EIF5A: variants seen among roughly 807,000 people sequenced by gnomAD.
EIF5A encodes eukaryotic translation initiation factor 5A-1.
EIF5A carries 1 observed loss-of-function variant against 16.6 expected under a neutral mutation model. That is an observed-to-expected ratio of 0.06 (90% CI 0.02 to 0.28). The LOEUF (loss-of-function observed/expected upper bound fraction) is 0.28. EIF5A is among the 10% of genes least tolerant of loss of function. EIF5A has a pLI of 1.00. For missense variants in EIF5A, 29 were observed against 196.1 expected (o/e 0.15, Z 5.09); for synonymous variants, 80 against 73.6 (o/e 1.09, Z -0.44).
chr17:7,311,325 A>G (rs2072821486), intron 3 of EIF5A, 25 bp from the exon 4 acceptor site: 2 of 1,613,932 alleles, frequency 1.2e-6, no homozygotes. Context: ...TACTACCTTC[A>G]GCCTCCTTCC....
At chr17:7,310,910 C>T (rs894927348) in intron 2 of EIF5A, 108 bp from the exon 3 acceptor site, 2 of 1,462,128 alleles carry the variant, frequency 1.4e-6, no homozygotes, top group African/African-American at 1.4e-5. Context: ...CCAGTCTTTG[C>T]CCCAACAATG....
intron 2 of EIF5A, 168 bp from the exon 3 acceptor site, chr17:7,310,846 TTTTC>T (rs1242946054): frequency 5.1e-6 from 5 of 985,294 alleles, no homozygotes; most frequent in Middle Eastern, 5.2e-4. Flanking sequence ...CCTCTGTTTT[TTTTC>T]TTTAAGAGGC....
Position 7,311,683 on chromosome 17 carries a change from C to G in EIF5A, c.*11+32C>G, listed in dbSNP as rs200432939. The G allele has an allele frequency of 2.6e-5, 42 of 1,613,148 alleles. 1 individual carries two copies. The highest frequency in any genetic ancestry group is 3.6e-4 in the Middle Eastern group (2 of 5,558). On this transcript the variant is annotated intron_variant, in intron 5 of 5. Coordinates refer to ENST00000336458, the MANE Select transcript of EIF5A (RefSeq NM_001970.5). ...GTGACAAATCCCTCACTGTCCCCTT[C>G]ACATTTTGTTGTCCTCAGCAGAGCT... is the stretch of plus-strand genomic sequence containing the variant.
upstream of EIF5A, chr17:7,307,052 T>G (rs1246362584): frequency 1.3e-6 from 2 of 1,598,558 alleles, no homozygotes; most frequent in South Asian, 2.3e-5. Context: ...CGCGCATGTG[T>G]GGAACTGGGG....
At chr17:7,309,388 T>C (rs909616612) in intron 1 of EIF5A, among the ~76,000 whole-genome samples, 2 of 152,184 alleles carry the variant, frequency 1.3e-5, no homozygotes, top group Admixed American at 6.5e-5. Context: ...GCCACCACTT[T>C]AGCTTTGATT....
chr17:7,310,810 C>A, intron 2 of EIF5A: 1 of 985,406 alleles, frequency 1.0e-6, no homozygotes, highest in Non-Finnish European at 1.2e-6. Flanking sequence ...GTGCTGTCAA[C>A]CCCAATCTCA....
Position 7,312,314 on chromosome 17 carries a change from A to T in EIF5A, c.*504A>T, listed in dbSNP as rs1275722236. 1 of 192,612 alleles carries T rather than the reference A, an allele frequency of 5.2e-6. No individual in the cohort carries two copies. The highest frequency in any genetic ancestry group is 1.2e-5 in the Non-Finnish European group (1 of 82,916). The allele number at this position is 192,612 out of a possible 1,614,324, so 11.9% of individuals were successfully genotyped here. A position where few individuals can be genotyped will look rare whatever the true frequency, so the allele number is the denominator to read the frequency against. Reference sequence around the variant, plus strand: ...AAACCCCTTTAGATGGGGAGGGAAGAGGAGGAGAGGGGAGGGGACCTGCCC... The same window carrying T: ...AAACCCCTTTAGATGGGGAGGGAAGTGGAGGAGAGGGGAGGGGACCTGCCC... On this transcript the variant is annotated 3_prime_UTR_variant, in exon 6 of 6. Coordinates refer to ENST00000336458, the MANE Select transcript of EIF5A (RefSeq NM_001970.5).
chr17:7,310,162 C>T, intron 2 of EIF5A: 1 of 1,297,574 alleles, frequency 7.7e-7, no homozygotes, highest in African/African-American at 1.5e-5. Context: ...TGGTTGCTTC[C>T]ATCACGTTGC....
intron 1 of EIF5A, 157 bp downstream of exon 1, chr17:7,307,909 G>T: frequency 1.0e-6 from 1 of 984,260 alleles, no homozygotes; most frequent in Non-Finnish European, 1.2e-6. Flanking sequence ...GCGCGGGCGC[G>T]CGCCCCGGTT....
In EIF5A at chr17:7,311,807, C is replaced by T. The variant is rs544110732; in HGVS notation, c.*12-15C>T. Reference sequence around the variant, plus strand: ...AGGTATTATCCTGTCTTACTAATTTCTCTCTCCTACCTAGGGTGGCGGTGG... The same window carrying T: ...AGGTATTATCCTGTCTTACTAATTTTTCTCTCCTACCTAGGGTGGCGGTGG... On this transcript the variant is annotated splice_polypyrimidine_tract_variant and intron_variant, in intron 5 of 5. Coordinates refer to ENST00000336458, the MANE Select transcript of EIF5A (RefSeq NM_001970.5). The T allele has an allele frequency of 1.1e-4, 113 of 1,047,654 alleles. 1 individual carries two copies. The highest frequency in any genetic ancestry group is 1.0e-3 in the South Asian group (65 of 63,614). The allele number at this position is 1,047,654 out of a possible 1,614,324, so 64.9% of individuals were successfully genotyped here.
At chr17:7,311,309 T>TG in intron 3 of EIF5A, 41 bp from the exon 4 acceptor site, 1 of 1,613,704 alleles carries the variant, frequency 6.2e-7, no homozygotes, top group Non-Finnish European at 8.5e-7. Flanking sequence ...TCAGCCTCCC[T>TG]GGGCCTACTA....
chr17:7,307,897 A>AGGCGCGGGCGCGCGCCCCGGTT, intron 1 of EIF5A, 145 bp downstream of exon 1: 1 of 980,558 alleles, frequency 1.0e-6, no homozygotes, highest in Non-Finnish European at 1.2e-6. Flanking sequence ...AGGTGAGGAG[A>AGGCGCGGGCGCGCGCCCCGGTT]GGCGCGGGCG....
At position 7,309,683 on chromosome 17, in the gene EIF5A, C is replaced by A; in HGVS notation, c.48C>A (p.Ala16=). Residue 16 remains alanine (A), a synonymous_variant, in exon 2 of 6, where the codon GCC becomes GCA. Coordinates refer to ENST00000336458, the MANE Select transcript of EIF5A (RefSeq NM_001970.5). ...DFETGDAGAS[A]TFPMQCSALR... is the part of the protein sequence containing the mutation. ...AGACAGGAGATGCAGGGGCCTCAGCCACCTTCCCAATGCAGTGCTCAGCAT... is the reference window on the plus strand; with the variant it reads ...AGACAGGAGATGCAGGGGCCTCAGCAACCTTCCCAATGCAGTGCTCAGCAT... 6.2e-7 allele frequency: 1 copy of A among 1,614,236 alleles called. No individual in the cohort carries two copies. The highest frequency in any genetic ancestry group is 1.1e-5 in the South Asian group (1 of 91,082).
At chr17:7,308,393 G>T (rs1350309531) in intron 1 of EIF5A, 2 of 1,227,964 alleles carry the variant, frequency 1.6e-6, no homozygotes, top group African/African-American at 1.6e-5. Flanking sequence ...AGCCCCTAGC[G>T]CGGGGAGCTA....
At position 7,312,106 on chromosome 17, in the gene EIF5A, AG is replaced by A. The variant is rs2072848082; in HGVS notation, c.*297del. ...AGGGGGTGGGTGCTGCTTGTGGTTT[AG>A]TCTTTTTTTTTTTTTTTTTTTTAAT... is the stretch of plus-strand genomic sequence containing the variant. On this transcript the variant is annotated 3_prime_UTR_variant, in exon 6 of 6. Transcript: ENST00000336458. 1 of 74,122 alleles carries A rather than the reference AG, an allele frequency of 1.3e-5. No homozygotes were observed. The highest frequency in any genetic ancestry group is 9.0e-4 in the East Asian group (1 of 1,112). The allele number at this position is 74,122 out of a possible 1,614,324, so 4.6% of individuals were successfully genotyped here. A position where few individuals can be genotyped will look rare whatever the true frequency, so the allele number is the denominator to read the frequency against.
At chr17:7,308,153 G>A (rs2072685176) in intron 1 of EIF5A, 6 of 754,280 alleles carry the variant, frequency 8.0e-6, no homozygotes, top group Non-Finnish European at 9.9e-6. Context: ...CATGATGGGG[G>A]GGGTTGGCGG....
At chr17:7,309,181 C>CT (rs2072736568) in intron 1 of EIF5A, among the ~76,000 whole-genome samples, 1 of 143,630 alleles carries the variant, frequency 7.0e-6, no homozygotes, top group South Asian at 2.4e-4. Context: ...GGTCTCCACC[C>CT]TCCCCCCCCC....
At chr17:7,310,091 A>G (rs1567612262) in intron 2 of EIF5A, 1 of 1,396,760 alleles carries the variant, frequency 7.2e-7, no homozygotes, top group Middle Eastern at 1.9e-4. Context: ...CTAGCTATTC[A>G]GTTGCTCCTT....
Position 7,311,952 on chromosome 17 carries a change from C to G in EIF5A, c.*142C>G, listed in dbSNP as rs1370389372. ...ATTTGACGTTTTATTTTGGTTTTCC[C>G]CACCCCCTCAATCTGTCGGGGAGCC... On this transcript the variant is annotated 3_prime_UTR_variant, in exon 6 of 6. Coordinates refer to ENST00000336458, the MANE Select transcript of EIF5A (RefSeq NM_001970.5). 1 of 465,518 alleles carries G rather than the reference C, an allele frequency of 2.1e-6. No individual in the cohort carries two copies. Among genetic ancestry groups the G allele is most frequent in the Non-Finnish European group, 4.0e-6 (1 of 247,822 alleles). The allele number at this position is 465,518 out of a possible 1,614,324, so 28.8% of individuals were successfully genotyped here.
Sources: allele counts gnomAD v4.1 joint callset (sites outside exome capture counted in the v4.1 genomes callset), GRCh38; gene constraint gnomAD v4.1.1; transcripts MANE v1.5; gene names NCBI Gene and HGNC (gene_info 2026-07-23, HGNC 2026-07-21).